PPP1R1C: variants seen among roughly 807,000 people sequenced by gnomAD.
PPP1R1C encodes protein phosphatase 1 regulatory inhibitor subunit 1C, also known as protein phosphatase 1 regulatory subunit 1C.
Under a neutral mutation model 17.4 loss-of-function variants are expected in PPP1R1C, and 15 were observed. The ratio of observed to expected loss-of-function variants is 0.86; its 90% confidence interval spans 0.58 to 1.33. The LOEUF is 1.33. PPP1R1C is among the 40% of genes most tolerant of loss of function. The pLI is 0.00. For synonymous variants in PPP1R1C, 35 were observed against 43.1 expected (o/e 0.81, Z 0.73); for missense variants, 143 against 130.0 (o/e 1.10, Z -0.48).
chr2:181,973,212 T>C (rs1345201750), intron 1 of PPP1R1C, among the ~76,000 whole-genome samples: 2 of 152,154 alleles, frequency 1.3e-5, no homozygotes, highest in Admixed American at 6.5e-5. Flanking sequence ...TCTCAGTCAA[T>C]ATAGGTTTCA....
intron 4 of PPP1R1C, among the ~76,000 whole-genome samples, chr2:182,094,928 A>G (rs1688888134): frequency 6.6e-6 from 1 of 152,166 alleles, no homozygotes; most frequent in Non-Finnish European, 1.5e-5. Context: ...ATGTATCCCC[A>G]TTGTAAGCCA....
intron 4 of PPP1R1C, among the ~76,000 whole-genome samples, chr2:182,069,453 CTT>C (rs1014442875): frequency 6.9e-6 from 1 of 144,278 alleles, no homozygotes; most frequent in African/African-American, 2.5e-5. Flanking sequence ...ACTAAGGTAT[CTT>C]TTTTTTTTTG....
chr2:182,041,786 A>G (rs961427694), intron 2 of PPP1R1C, among the ~76,000 whole-genome samples: 14 of 152,134 alleles, frequency 9.2e-5, no homozygotes, highest in African/African-American at 2.9e-4. Flanking sequence ...TCATGTGTTA[A>G]TATAGTTGCC....
intron 1 of PPP1R1C, among the ~76,000 whole-genome samples, chr2:181,986,409 G>A (rs1326610656): frequency 6.6e-6 from 1 of 152,150 alleles, no homozygotes. Context: ...TACAAAATTA[G>A]CACCTCTGAG....
intron 4 of PPP1R1C, among the ~76,000 whole-genome samples, chr2:182,114,611 A>C (rs1003529971): frequency 7.9e-5 from 12 of 152,174 alleles, no homozygotes; most frequent in African/African-American, 2.2e-4. Flanking sequence ...CCAATTGTTC[A>C]TTATCCAATT....
rs3063151 is a variant in PPP1R1C, at chr2:182,117,692, AGT to A, written c.*417_*418del. On this transcript the variant is annotated 3_prime_UTR_variant, in exon 5 of 5. Coordinates refer to ENST00000682840, the MANE Select transcript of PPP1R1C (RefSeq NM_001080545.3). ...TAAATAGTAAACACATTTAGACATG[AGT>A]GTGTGTGTGTGTGTGTGTGGGTTTA... is the stretch of plus-strand genomic sequence containing the variant. The A allele has an allele frequency of 2.5e-4, 39 of 153,416 alleles. No individual in the cohort carries two copies. The East Asian group carries it at 2.7e-3, about 11-fold the overall frequency. The allele number at this position is 153,416 out of a possible 1,614,324, so 9.5% of individuals were successfully genotyped here. A position where few individuals can be genotyped will look rare whatever the true frequency, so the allele number is the denominator to read the frequency against.
chr2:182,050,235 G>T (rs1187220715), intron 2 of PPP1R1C, among the ~76,000 whole-genome samples: 1 of 152,178 alleles, frequency 6.6e-6, no homozygotes, highest in African/African-American at 2.4e-5. Flanking sequence ...ATCCCCTATA[G>T]TTTCTACTCA....
chr2:182,066,723 T>C (rs1175721374), intron 4 of PPP1R1C, among the ~76,000 whole-genome samples: 3 of 152,150 alleles, frequency 2.0e-5, no homozygotes, highest in Non-Finnish European at 4.4e-5. Flanking sequence ...TTGTGTAATA[T>C]TGTGTTTCAT....
chr2:182,059,218 C>A (rs1559075896), intron 2 of PPP1R1C, among the ~76,000 whole-genome samples: 1 of 152,032 alleles, frequency 6.6e-6, no homozygotes, highest in Non-Finnish European at 1.5e-5. Context: ...TTCTTTCAGA[C>A]TAAGTGGTCC....
chr2:182,124,840 A>G (rs567317632), intron 5 of PPP1R1C, among the ~76,000 whole-genome samples: 29 of 152,300 alleles, frequency 1.9e-4, no homozygotes, highest in African/African-American at 6.0e-4. Context: ...GTCATCTGCA[A>G]ACAGAGATAA....
intron 1 of PPP1R1C, among the ~76,000 whole-genome samples, chr2:181,970,584 A>G (rs1002941342): frequency 6.6e-6 from 1 of 152,028 alleles, no homozygotes; most frequent in East Asian, 1.9e-4. Flanking sequence ...GCTATCACCT[A>G]TGTTTGCTCA....
At chr2:181,968,228 G>C (rs1684940963) in intron 1 of PPP1R1C, among the ~76,000 whole-genome samples, 1 of 152,206 alleles carries the variant, frequency 6.6e-6, no homozygotes, top group Admixed American at 6.5e-5. Context: ...CTGTAGCATA[G>C]ATTAAGTCCA....
chr2:182,003,044 C>T (rs1420871065), intron 2 of PPP1R1C, among the ~76,000 whole-genome samples: 1 of 151,138 alleles, frequency 6.6e-6, no homozygotes, highest in East Asian at 1.9e-4. Flanking sequence ...TTTCCTTCAG[C>T]AGTGGAGGTT....
At chr2:182,088,448 G>A (rs1263168424) in intron 4 of PPP1R1C, among the ~76,000 whole-genome samples, 3 of 152,142 alleles carry the variant, frequency 2.0e-5, no homozygotes, top group East Asian at 3.9e-4. Context: ...AACCATTGTT[G>A]GATAAATTTG....
intron 2 of PPP1R1C, among the ~76,000 whole-genome samples, chr2:182,043,884 C>T (rs925578895): frequency 6.6e-5 from 10 of 152,080 alleles, no homozygotes; most frequent in East Asian, 5.8e-4. Flanking sequence ...TCTTCAGCTC[C>T]GCTTTCACTA....
At chr2:182,127,611 G>A (rs1689906326) in intron 5 of PPP1R1C, among the ~76,000 whole-genome samples, 1 of 151,988 alleles carries the variant, frequency 6.6e-6, no homozygotes, top group Non-Finnish European at 1.5e-5. Context: ...GAAGAAAAGG[G>A]GAAGAACCAA....
In PPP1R1C at chr2:181,967,598, A is replaced by G. The variant is rs889745057; in HGVS notation, n.112-7621A>G. On this transcript the variant is annotated intron_variant and non_coding_transcript_variant, in intron 1 of 5. Transcript: ENST00000464264. The surrounding 1 kb of genome is among the most constrained non-coding windows in gnomAD (Gnocchi z 5.5). ...TATTATTTAATTTCCATATGTTTGT[A>G]AAGTCCCAAAGTTTGTGTTTCTGTT... 1.3e-5 allele frequency among the ~76,000 whole-genome samples: 2 copies of G among 152,106 alleles called. No homozygotes were observed. The highest frequency in any genetic ancestry group is 4.8e-5 in the African/African-American group (2 of 41,426).
In PPP1R1C at chr2:181,994,312, G is replaced by A. The variant is rs139121650; in HGVS notation, c.142+6413G>A. 2.3e-3 allele frequency among the ~76,000 whole-genome samples: 352 copies of A among 152,180 alleles called. 1 individual carries two copies. Among genetic ancestry groups the A allele is most frequent in the Non-Finnish European group, 4.3e-3 (290 of 67,960 alleles). The stretch of plus-strand genomic sequence containing the variant: ...AACAGTATGTAGAAAGAAAAAAAAT[G>A]TAAGGATTGAGTATAAAAATCTTTT... On this transcript the variant is annotated intron_variant, in intron 2 of 4. Transcript: ENST00000682840.
At chr2:182,121,591 G>A (rs933167220), downstream of PPP1R1C, among the ~76,000 whole-genome samples, 6 of 152,008 alleles carry the variant, frequency 3.9e-5, no homozygotes, top group African/African-American at 7.3e-5. Context: ...GGGTTCAAGC[G>A]ATTCCCCTGC....
Sources: gnomAD v4.1 joint callset for allele counts (sites outside exome capture counted in the v4.1 genomes callset) on GRCh38, gnomAD v4.1.1 for gene constraint, Gnocchi (gnomAD v3.1) non-coding constraint, MANE v1.5 for transcripts, NCBI Gene and HGNC (gene_info 2026-07-23, HGNC 2026-07-21) for gene names.